The following SPATA7 variants were observed in gnomAD, a reference collection of about 807,000 sequenced individuals.
The protein encoded by SPATA7 is spermatogenesis associated 7, also known as spermatogenesis-associated protein 7.
Under a neutral mutation model 51.8 loss-of-function variants are expected in SPATA7, and 43 were observed. That is an observed-to-expected ratio of 0.83 (90% confidence interval 0.65 to 1.07). The LOEUF is 1.07. Among genes scored for constraint, SPATA7 ranks in the 50% least tolerant of loss-of-function variants. The pLI is 0.00. For missense variants in SPATA7, 683 were observed against 701.3 expected, an observed-to-expected ratio of 0.97 and a Z score of 0.30; for synonymous variants, 230 against 252.8, an observed-to-expected ratio of 0.91 and a Z score of 0.86.
intron 4 of SPATA7, chr14:88,466,189 T>C (rs2077360001): frequency 6.6e-6 from 1 of 152,216 alleles, no homozygotes; most frequent in Non-Finnish European, 1.5e-5. Context: ...GTTCTACTGT[T>C]CTTTAAACAG....
chr14:88,465,144 C>G (rs1401361337), intron 4 of SPATA7, among the ~76,000 whole-genome samples: 1 of 152,180 alleles, frequency 6.6e-6, no homozygotes, highest in African/African-American at 2.4e-5. Context: ...TTAATGACTA[C>G]AATAAGCATT....
Position 88,416,568 on chromosome 14 carries a change from C to G in SPATA7, c.239-143C>G, listed in dbSNP as rs145863932. ...TAATTTTTAAAATGTGTTAGTAACT[C>G]TTTATATAGGAAAATAAATGGATTT... On this transcript the variant is annotated intron_variant, in intron 4 of 11. Coordinates refer to ENST00000393545, the MANE Select transcript of SPATA7 (RefSeq NM_018418.5). 438 of 765,324 alleles carry G rather than the reference C, an allele frequency of 5.7e-4. 1 individual carries two copies. In the African/African-American group the frequency reaches 7.0e-3, roughly 12 times the overall value. 47.4% of individuals were successfully genotyped at this position (765,324 alleles called of 1,614,324 possible).
rs372677539 is a variant in SPATA7, at chr14:88,469,119, G to A, written c.255-728G>A. 4 of 1,569,640 alleles carry A rather than the reference G, an allele frequency of 2.5e-6. No homozygotes were observed. Among genetic ancestry groups the A allele is most frequent in the Non-Finnish European group, 3.5e-6 (4 of 1,149,610 alleles). ...AATAGAAAAGTACTCAAGGATCAAG[G>A]CGTATCACATTGTTGACTCAATCTT... On this transcript the variant is annotated intron_variant, in intron 4 of 4. Transcript: ENST00000556406. The surrounding 1 kb of genome is among the most constrained non-coding windows in gnomAD (Gnocchi z 4.3).
intron 4 of SPATA7, among the ~76,000 whole-genome samples, chr14:88,411,758 A>G (rs2076347990): frequency 6.6e-6 from 1 of 152,074 alleles, no homozygotes; most frequent in Non-Finnish European, 1.5e-5. Flanking sequence ...ATTCACCATT[A>G]ATGGACACCC....
At chr14:88,389,516 A>G (rs370172617) in intron 1 of SPATA7, among the ~76,000 whole-genome samples, 1 of 152,142 alleles carries the variant, frequency 6.6e-6, no homozygotes, top group Non-Finnish European at 1.5e-5. Context: ...TAATTCTGTC[A>G]TTTTTAATAT....
chr14:88,448,497 T>C (rs2077229560), intron 3 of SPATA7, among the ~76,000 whole-genome samples: 1 of 152,210 alleles, frequency 6.6e-6, no homozygotes. Context: ...TCAAAGTCAT[T>C]CTCCGTCCAG....
intron 4 of SPATA7, among the ~76,000 whole-genome samples, chr14:88,465,085 T>TAA (rs999459766): frequency 1.3e-5 from 2 of 152,214 alleles, no homozygotes; most frequent in African/African-American, 4.8e-5. Context: ...TTTTAAAGTC[T>TAA]AAGTTCTAGC....
At position 88,393,406 on chromosome 14, in the gene SPATA7, C is replaced by T; in HGVS notation, c.108C>T (p.Asp36=). 1.9e-6 allele frequency: 3 copies of T among 1,597,078 alleles called. No individual in the cohort carries two copies. Among genetic ancestry groups the T allele is most frequent in the African/African-American group, 1.3e-5 (1 of 74,778 alleles). ...TTTAATTTTTAGCTTTTTGCACTGACTCCTCTTCTCTCAGACTAAGCACTC... is the reference window on the plus strand; with the variant it reads ...TTTAATTTTTAGCTTTTTGCACTGATTCCTCTTCTCTCAGACTAAGCACTC... ...LSTKSNAFCT[D]SSSLRLSTLQ... The change falls in exon 3 of 12, where the codon GAC becomes GAT. Residue 36 remains aspartate, a synonymous_variant. Coordinates refer to ENST00000393545, the MANE Select transcript of SPATA7 (RefSeq NM_018418.5).
At chr14:88,454,639 T>TAC (rs752175591) in intron 3 of SPATA7, among the ~76,000 whole-genome samples, 53 of 151,598 alleles carry the variant, frequency 3.5e-4, no homozygotes, top group Middle Eastern at 3.4e-3. Flanking sequence ...AGACCCCATC[T>TAC]ACACACACAC....
downstream of SPATA7, among the ~76,000 whole-genome samples, chr14:88,460,257 C>T (rs147336862): frequency 2.2e-4 from 33 of 152,220 alleles, no homozygotes; most frequent in African/African-American, 7.7e-4. Context: ...TGTTGGCCTG[C>T]CTTGCTAGGT....
At chr14:88,467,333 T>C (rs1281848036) in intron 4 of SPATA7, 1 of 152,202 alleles carries the variant, frequency 6.6e-6, no homozygotes, top group African/African-American at 2.4e-5. Flanking sequence ...TTTCAACCAA[T>C]AAAATCAAAT....
intron 3 of SPATA7, among the ~76,000 whole-genome samples, chr14:88,454,611 A>G (rs1260856129): frequency 6.6e-6 from 1 of 151,862 alleles, no homozygotes; most frequent in Non-Finnish European, 1.5e-5. Flanking sequence ...AAGACCGACC[A>G]GCCTGGTCAA....
At chr14:88,392,868 C>T (rs994193927) in intron 2 of SPATA7, among the ~76,000 whole-genome samples, 1 of 151,962 alleles carries the variant, frequency 6.6e-6, no homozygotes. Context: ...AATTTCTTTG[C>T]GATTACACTT....
At chr14:88,460,468 A>G (rs577737350) in intron 4 of SPATA7, among the ~76,000 whole-genome samples, 8 of 152,206 alleles carry the variant, frequency 5.3e-5, no homozygotes, top group Non-Finnish European at 8.8e-5. Flanking sequence ...TTGATCTTCA[A>G]TCACTGATAC....
At chr14:88,434,613 A>G (rs925402825) in intron 10 of SPATA7, among the ~76,000 whole-genome samples, 24 of 151,650 alleles carry the variant, frequency 1.6e-4, no homozygotes, top group Non-Finnish European at 2.5e-4. Flanking sequence ...TGAACCCCGC[A>G]AGGCGGAGGT....
At chr14:88,468,836 G>C in intron 4 of SPATA7, 1 of 1,564,954 alleles carries the variant, frequency 6.4e-7, no homozygotes, top group Non-Finnish European at 8.8e-7. Context: ...TGCGCAAAAA[G>C]AGCTATTAAG....
intron 4 of SPATA7, 95 bp downstream of exon 4, chr14:88,396,298 C>A: frequency 1.2e-6 from 1 of 842,140 alleles, no homozygotes. Context: ...TTTAAGTGTC[C>A]AGTTCAATAT....
intron 3 of SPATA7, among the ~76,000 whole-genome samples, chr14:88,446,744 C>G (rs868348191): frequency 2.0e-5 from 3 of 152,158 alleles, no homozygotes; most frequent in Middle Eastern, 3.4e-3. Flanking sequence ...GTTATGTACC[C>G]AGTAGTCATT....
chr14:88,455,034 G>T (rs2077275407), intron 3 of SPATA7: 1 of 455,592 alleles, frequency 2.2e-6, no homozygotes, highest in African/African-American at 2.0e-5. Flanking sequence ...TCTGGGTCAA[G>T]GCTCAAGAAT....
Sources: gnomAD v4.1 joint callset for allele counts (sites outside exome capture counted in the v4.1 genomes callset) on GRCh38, gnomAD v4.1.1 for gene constraint, Gnocchi (gnomAD v3.1) non-coding constraint, MANE v1.5 for transcripts, NCBI Gene and HGNC (gene_info 2026-07-23, HGNC 2026-07-21) for gene names.